The following KAZN variants were observed in gnomAD, a reference collection of about 807,000 sequenced individuals.
KAZN encodes the protein kazrin, periplakin interacting protein, also known as kazrin.
Under a neutral mutation model 87.4 loss-of-function variants are expected in KAZN, and 40 were observed. That is an observed-to-expected ratio of 0.46 (90% CI 0.36 to 0.60). The LOEUF (loss-of-function observed/expected upper bound fraction) is 0.60. Among genes scored for constraint, KAZN ranks in the 20% least tolerant of loss-of-function variants. KAZN has a pLI of 0.00. For missense variants in KAZN, 898 were observed against 1,073.9 expected (o/e 0.84, Z 2.29); for synonymous variants, 466 against 458.3 (o/e 1.02, Z -0.22).
intron 4 of KAZN, among the ~76,000 whole-genome samples, chr1:15,044,612 A>G (rs550534367): frequency 6.6e-6 from 1 of 151,926 alleles, no homozygotes; most frequent in Non-Finnish European, 1.5e-5. Context: ...GGCCTGGTAC[A>G]TGCCTGTAGT....
upstream of KAZN, chr1:14,598,654 A>C: frequency 8.3e-7 from 1 of 1,202,304 alleles, no homozygotes; most frequent in East Asian, 4.0e-5. The surrounding 1 kb of genome is among the most constrained non-coding windows in gnomAD (Gnocchi z 4.2). Flanking sequence ...GGTAGGCTCC[A>C]TTTAAAGAGT....
chr1:14,394,861 G>A (rs1319839032), intron 2 of KAZN, among the ~76,000 whole-genome samples: 1 of 152,192 alleles, frequency 6.6e-6, no homozygotes, highest in Non-Finnish European at 1.5e-5. Flanking sequence ...AGACTGATAT[G>A]CCCAAGGTCA....
intron 2 of KAZN, among the ~76,000 whole-genome samples, chr1:15,029,126 G>A (rs546825680): frequency 1.3e-5 from 2 of 152,338 alleles, no homozygotes; most frequent in East Asian, 1.9e-4. Flanking sequence ...GCTTGTAGCT[G>A]CAAGGGAGCT....
intron 2 of KAZN, among the ~76,000 whole-genome samples, chr1:14,978,714 G>A (rs1665923683): frequency 6.6e-6 from 1 of 151,738 alleles, no homozygotes; most frequent in Admixed American, 6.6e-5. Context: ...GAGTGTGTGG[G>A]TGTGGTCTTG....
At chr1:14,595,695 AAAAG>A (rs1216814937), upstream of KAZN, among the ~76,000 whole-genome samples, 1 of 149,112 alleles carries the variant, frequency 6.7e-6, no homozygotes, top group African/African-American at 2.6e-5. Context: ...AAAAAAAAAA[AAAAG>A]AAAAAGAAAA....
rs964616176 is a variant in KAZN at position 14,929,724 on chromosome 1, G to C, written c.227-30960G>C. On this transcript the variant is annotated intron_variant, in intron 1 of 14. Coordinates refer to ENST00000376030, the MANE Select transcript of KAZN (RefSeq NM_201628.3). ...CAGGCATGGTTATAAGGGGTGTGCG[G>C]GCGTGGAGTTATTTTAATGGATTTA... The C allele has an allele frequency of 4.2e-6, 4 of 959,232 alleles. No individual in the cohort carries two copies. In the Admixed American group the frequency reaches 1.8e-4, roughly 44 times the overall value. 59.4% of individuals were successfully genotyped at this position (959,232 alleles called of 1,614,324 possible).
At chr1:14,433,787 G>C (rs2101400268) in intron 2 of KAZN, among the ~76,000 whole-genome samples, 1 of 152,338 alleles carries the variant, frequency 6.6e-6, no homozygotes, top group East Asian at 1.9e-4. Flanking sequence ...TTGAACCCGG[G>C]AGGCGGAGGT....
rs534151412 is a variant in KAZN at position 13,933,981 on chromosome 1, G to A, written c.91+40225G>A. Among the ~76,000 whole-genome samples, 11 of 152,254 alleles carry A rather than the reference G, an allele frequency of 7.2e-5. No homozygotes were observed. The South Asian group carries it at 1.9e-3, about 26-fold the overall frequency. Reference sequence around the variant, plus strand: ...ACAAAAGATGTGTTGGATGAGAAAAGAAAGCCAGCTTGAAGTCAAGAAAAG... The same window carrying A: ...ACAAAAGATGTGTTGGATGAGAAAAAAAAGCCAGCTTGAAGTCAAGAAAAG... On this transcript the variant is annotated intron_variant, in intron 1 of 16. Coordinates refer to the KAZN transcript ENST00000636203.
chr1:14,243,566 G>A (rs567328217), intron 2 of KAZN, among the ~76,000 whole-genome samples: 19 of 152,296 alleles, frequency 1.2e-4, no homozygotes, highest in African/African-American at 4.6e-4. Context: ...AAACAGTCAA[G>A]ACTATGTTAA....
intron 1 of KAZN, among the ~76,000 whole-genome samples, chr1:14,819,779 C>T (rs1051288271): frequency 1.4e-5 from 2 of 144,718 alleles, no homozygotes; most frequent in Non-Finnish European, 3.0e-5. Context: ...ACGGTATCGG[C>T]TCATTGCAAC....
chr1:14,841,766 A>G (rs1049862508), intron 1 of KAZN, among the ~76,000 whole-genome samples: 3 of 152,028 alleles, frequency 2.0e-5, no homozygotes, highest in Admixed American at 6.6e-5. Context: ...TTTTTGTACC[A>G]CTGACATCAA....
At chr1:14,513,099 A>G (rs1399439220) in intron 2 of KAZN, among the ~76,000 whole-genome samples, 3 of 152,196 alleles carry the variant, frequency 2.0e-5, no homozygotes, top group Non-Finnish European at 4.4e-5. Flanking sequence ...CAGCCTTGGG[A>G]AAGCTGGCCT....
At chr1:15,058,384 A>T (rs1638489994) in intron 5 of KAZN, among the ~76,000 whole-genome samples, 1 of 152,258 alleles carries the variant, frequency 6.6e-6, no homozygotes, top group Non-Finnish European at 1.5e-5. Flanking sequence ...GTATTAGAGC[A>T]TATGGCCATT....
At chr1:14,795,149 C>T (rs1007458449) in intron 1 of KAZN, among the ~76,000 whole-genome samples, 8 of 152,082 alleles carry the variant, frequency 5.3e-5, no homozygotes, top group Non-Finnish European at 1.0e-4. Flanking sequence ...TTGCTGATGG[C>T]CTTTTGTGGG....
intron 2 of KAZN, among the ~76,000 whole-genome samples, chr1:14,575,001 G>T (rs1675092212): frequency 6.6e-6 from 1 of 151,202 alleles, no homozygotes; most frequent in African/African-American, 2.4e-5. Flanking sequence ...AGGCGCAGGT[G>T]TGGGAGCTTA....
intron 1 of KAZN, among the ~76,000 whole-genome samples, chr1:14,734,263 G>C (rs944992167): frequency 6.6e-6 from 1 of 151,924 alleles, no homozygotes; most frequent in African/African-American, 2.4e-5. Context: ...GGACTCAGCA[G>C]GTCTGGGGTG....
intron 1 of KAZN, among the ~76,000 whole-genome samples, chr1:14,655,584 T>C (rs1638740882): frequency 6.6e-6 from 1 of 152,202 alleles, no homozygotes; most frequent in Non-Finnish European, 1.5e-5. Flanking sequence ...AGTGCTTGGA[T>C]AATGCTTCAT....
rs545465200 is a variant in KAZN, at chr1:14,477,184, G to A, written c.250-121799G>A. Among the ~76,000 whole-genome samples the A allele has an allele frequency of 6.6e-5, 10 of 152,244 alleles. No homozygotes were observed. In the East Asian group the frequency reaches 1.4e-3, roughly 21 times the overall value. On this transcript the variant is annotated intron_variant, in intron 2 of 16. Coordinates refer to the KAZN transcript ENST00000636203. The stretch of plus-strand genomic sequence containing the variant: ...TTTCCTGCACTATTCTAGTGATAGT[G>A]AATGAATCTCACAAGATCTGATGGT...
At chr1:15,067,395 C>T in intron 8 of KAZN, 1 of 985,494 alleles carries the variant, frequency 1.0e-6, no homozygotes, top group Non-Finnish European at 1.2e-6. Context: ...AAAGAGGCTT[C>T]ACCAGCAAAG....
Sources: gnomAD v4.1 joint callset for allele counts (sites outside exome capture counted in the v4.1 genomes callset) on GRCh38, gnomAD v4.1.1 for gene constraint, Gnocchi (gnomAD v3.1) non-coding constraint, MANE v1.5 for transcripts, NCBI Gene and HGNC (gene_info 2026-07-23, HGNC 2026-07-21) for gene names.